The following PLEKHA3 variants were observed in gnomAD, a reference collection of about 807,000 sequenced individuals.
PLEKHA3 encodes pleckstrin homology domain containing A3, also known as pleckstrin homology domain-containing family A member 3.
A neutral mutation model predicts 39.2 loss-of-function variants in PLEKHA3; 19 were observed. The observed-to-expected ratio is 0.48, with a 90% CI of 0.34 to 0.71. PLEKHA3 has a LOEUF of 0.71. PLEKHA3 is among the 30% of genes least tolerant of loss of function. The pLI is 0.01. For synonymous variants in PLEKHA3, 97 were observed against 118.6 expected (o/e 0.82, Z 1.18); for missense variants, 253 against 359.5 (o/e 0.70, Z 2.40).
At chr2:178,490,094 A>G (rs888117889) in intron 2 of PLEKHA3, among the ~76,000 whole-genome samples, 3 of 152,206 alleles carry the variant, frequency 2.0e-5, no homozygotes, top group Non-Finnish European at 4.4e-5. Context: ...AGAGCATCAA[A>G]GGAGGTGTGT....
In PLEKHA3 at chr2:178,490,654, C is replaced by G. The variant is rs1685329703; in HGVS notation, c.158-5C>G. On this transcript the variant is annotated splice_polypyrimidine_tract_variant and splice_region_variant and intron_variant, in intron 2 of 7. Coordinates refer to ENST00000234453, the MANE Select transcript of PLEKHA3 (RefSeq NM_019091.4). The stretch of plus-strand genomic sequence containing the variant: ...ACTGTATTTCCCCTTTGTTTATCAT[C>G]ATAGTTCATTCAGCAGACAACACAA... 1 of 1,611,086 alleles carries G rather than the reference C, an allele frequency of 6.2e-7. No homozygotes were observed.
chr2:178,499,280 A>C, intron 6 of PLEKHA3, 26 bp downstream of exon 6: 2 of 1,607,976 alleles, frequency 1.2e-6, no homozygotes, highest in African/African-American at 1.3e-5. Context: ...CTTCTGACTA[A>C]GTTCTCTCAA....
Position 178,480,525 on chromosome 2 carries a change from G to C in PLEKHA3, c.-345G>C, listed in dbSNP as rs2154127421. ...GGGAGCCCAGGGGGAAGGAAGGCAG[G>C]CGAGGAAGAGGCAGCGCCGGGGCGC... On this transcript the variant is annotated 5_prime_UTR_variant, in exon 1 of 8. Transcript: ENST00000234453. 1 of 194,962 alleles carries C rather than the reference G, an allele frequency of 5.1e-6. No individual in the cohort carries two copies. The allele number at this position is 194,962 out of a possible 1,614,324, so 12.1% of individuals were successfully genotyped here.
rs972547851 is a variant in PLEKHA3, at chr2:178,506,163, T to A, written c.*2276T>A. 7.9e-5 allele frequency: 12 copies of A among 152,080 alleles called. No individual in the cohort carries two copies. Among genetic ancestry groups the A allele is most frequent in the African/African-American group, 2.4e-4 (10 of 41,406 alleles). 9.4% of individuals were successfully genotyped at this position (152,080 alleles called of 1,614,324 possible). On this transcript the variant is annotated 3_prime_UTR_variant, in exon 8 of 8. Coordinates refer to ENST00000234453, the MANE Select transcript of PLEKHA3 (RefSeq NM_019091.4). ...AGTTGTTCTATACTTTATAGAAAAA[T>A]TATTGGTTATTATTAGTTATTAGTA...
At chr2:178,498,313 C>A (rs1034237296) in intron 5 of PLEKHA3, among the ~76,000 whole-genome samples, 6 of 152,180 alleles carry the variant, frequency 3.9e-5, no homozygotes, top group Admixed American at 2.6e-4. Context: ...AGACTACAAA[C>A]TGGGTGGGTC....
Position 178,514,549 on chromosome 2 carries a change from G to A in PLEKHA3, c.*10662G>A, listed in dbSNP as rs1250020036. 1 of 151,920 alleles carries A rather than the reference G, an allele frequency of 6.6e-6. No individual in the cohort carries two copies. Among genetic ancestry groups the A allele is most frequent in the Non-Finnish European group, 1.5e-5 (1 of 67,992 alleles). 9.4% of individuals were successfully genotyped at this position (151,920 alleles called of 1,614,324 possible). On this transcript the variant is annotated 3_prime_UTR_variant, in exon 8 of 8. Transcript: ENST00000234453. ...AATGGGAACAAACATAGCCTGTCAT[G>A]TCTTTATTTAGGCTAAGTGCATATG...
intron 6 of PLEKHA3, among the ~76,000 whole-genome samples, 175 bp from the exon 7 acceptor site, chr2:178,500,886 G>A (rs1685520272): frequency 6.6e-6 from 1 of 152,004 alleles, no homozygotes; most frequent in South Asian, 2.1e-4. Context: ...GTTACCAGCT[G>A]TCTTCTAAAT....
In PLEKHA3 at chr2:178,511,447, C is replaced by T. The variant is rs1481826686; in HGVS notation, c.*7560C>T. 1 of 150,610 alleles carries T rather than the reference C, an allele frequency of 6.6e-6. No homozygotes were observed. The highest frequency in any genetic ancestry group is 2.4e-5 in the African/African-American group (1 of 40,846). The allele number at this position is 150,610 out of a possible 1,614,324, so 9.3% of individuals were successfully genotyped here. A position where few individuals can be genotyped will look rare whatever the true frequency, so the allele number is the denominator to read the frequency against. On this transcript the variant is annotated 3_prime_UTR_variant, in exon 8 of 8. Transcript: ENST00000234453. ...AGAGTGCAGTGACACGATCTTGGCT[C>T]ACTGCAACCTCCACCTCCGGGGCTC...
At chr2:178,496,092 A>G (rs79807005) in intron 5 of PLEKHA3, among the ~76,000 whole-genome samples, 1,759 of 152,340 alleles carry the variant, frequency 0.012, 21 homozygotes, top group Non-Finnish European at 0.018. Context: ...TGGGAACGGT[A>G]TTCTCTACTA....
rs1685580840 is a variant in PLEKHA3, at chr2:178,504,823, T to C, written c.*936T>C. 6.6e-6 allele frequency: 1 copy of C among 152,448 alleles called. No homozygotes were observed. Among genetic ancestry groups the C allele is most frequent in the South Asian group, 2.1e-4 (1 of 4,836 alleles). 9.4% of individuals were successfully genotyped at this position (152,448 alleles called of 1,614,324 possible). A position where few individuals can be genotyped will look rare whatever the true frequency, so the allele number is the denominator to read the frequency against. ...TATACAAAAAGGAATTCTGTCAAGA[T>C]GACTGCTCTATATCACTTGAGAATG... On this transcript the variant is annotated 3_prime_UTR_variant, in exon 8 of 8. Coordinates refer to ENST00000234453, the MANE Select transcript of PLEKHA3 (RefSeq NM_019091.4).
In PLEKHA3 at chr2:178,514,322, A is replaced by G. The variant is rs952888246; in HGVS notation, c.*10435A>G. The G allele has an allele frequency of 1.3e-5, 2 of 152,060 alleles. No homozygotes were observed. The highest frequency in any genetic ancestry group is 4.8e-5 in the African/African-American group (2 of 41,384). The allele number at this position is 152,060 out of a possible 1,614,324, so 9.4% of individuals were successfully genotyped here. A position where few individuals can be genotyped will look rare whatever the true frequency, so the allele number is the denominator to read the frequency against. On this transcript the variant is annotated 3_prime_UTR_variant, in exon 8 of 8. Transcript: ENST00000234453. ...TTAATGATGTCTGCATGGGCTTACTAAGAGGGTGTGGGGAATGGTGGCAGG... is the reference window on the plus strand; with the variant it reads ...TTAATGATGTCTGCATGGGCTTACTGAGAGGGTGTGGGGAATGGTGGCAGG...
chr2:178,481,837 T>A (rs1297556310), intron 1 of PLEKHA3: 1 of 94,370 alleles, frequency 1.1e-5, no homozygotes, highest in Non-Finnish European at 2.3e-5. Flanking sequence ...AGTAAACAGA[T>A]TTTTTGGGGG....
In PLEKHA3 at chr2:178,509,616, T is replaced by G. The variant is rs1318475303; in HGVS notation, c.*5729T>G. 6.6e-6 allele frequency: 1 copy of G among 152,286 alleles called. No homozygotes were observed. The highest frequency in any genetic ancestry group is 2.4e-5 in the African/African-American group (1 of 41,410). The allele number at this position is 152,286 out of a possible 1,614,324, so 9.4% of individuals were successfully genotyped here. A position where few individuals can be genotyped will look rare whatever the true frequency, so the allele number is the denominator to read the frequency against. ...CCTCAGCCTCCCGAATAACTAGGAC[T>G]ACAGGCATGCACCACTACTCCTGGC... is the stretch of plus-strand genomic sequence containing the variant. On this transcript the variant is annotated 3_prime_UTR_variant, in exon 8 of 8. Transcript: ENST00000234453.
rs533724557 is a variant in PLEKHA3, at chr2:178,509,424, A to G, written c.*5537A>G. ...AAGTGCTGGGCACGTAGTGTGTTGA[A>G]TAAGTGTTAGTTATTAATATTGTTT... On this transcript the variant is annotated 3_prime_UTR_variant, in exon 8 of 8. Transcript: ENST00000234453. 15 of 152,216 alleles carry G rather than the reference A, an allele frequency of 9.9e-5. No homozygotes were observed. Among genetic ancestry groups the G allele is most frequent in the Non-Finnish European group, 2.1e-4 (14 of 68,024 alleles). 9.4% of individuals were successfully genotyped at this position (152,216 alleles called of 1,614,324 possible). A position where few individuals can be genotyped will look rare whatever the true frequency, so the allele number is the denominator to read the frequency against.
At chr2:178,494,038 TG>T (rs1559384361) in intron 4 of PLEKHA3, 49 bp downstream of exon 4, 2 of 1,563,322 alleles carry the variant, frequency 1.3e-6, no homozygotes, top group Non-Finnish European at 1.7e-6. Context: ...TGGAGTACTC[TG>T]GGGGGATCCT....
chr2:178,498,617 T>G lies in PLEKHA3; in HGVS notation c.616-594T>G, dbSNP rs532015130. On this transcript the variant is annotated intron_variant, in intron 5 of 7. Coordinates refer to ENST00000234453, the MANE Select transcript of PLEKHA3 (RefSeq NM_019091.4). The stretch of plus-strand genomic sequence containing the variant: ...ATATTTTTTAAATGTTCTGCTTAAT[T>G]AGGTATTCTTTATTTTTTTAAATAT... 2.0e-5 allele frequency among the ~76,000 whole-genome samples: 3 copies of G among 152,320 alleles called. No individual in the cohort carries two copies. In the East Asian group the frequency reaches 5.8e-4, roughly 29 times the overall value.
chr2:178,481,947 TG>T (rs1685172675), intron 1 of PLEKHA3: 1 of 153,696 alleles, frequency 6.5e-6, no homozygotes, highest in Non-Finnish European at 1.5e-5. Flanking sequence ...ACTCTCGACT[TG>T]TGTCCACCTG....
At chr2:178,480,940 G>C in intron 1 of PLEKHA3, 31 bp downstream of exon 1, 1 of 1,309,294 alleles carries the variant, frequency 7.6e-7, no homozygotes, top group Non-Finnish European at 9.8e-7. Flanking sequence ...AGGGAAGAGG[G>C]GAGAGGCGGG....
intron 1 of PLEKHA3, 148 bp from the exon 2 acceptor site, chr2:178,485,493 G>T: frequency 3.1e-6 from 2 of 635,798 alleles, no homozygotes; most frequent in South Asian, 1.9e-5. Flanking sequence ...AACATTTTTG[G>T]TAAGGCTTGG....
Sources: allele counts gnomAD v4.1 joint callset (sites outside exome capture counted in the v4.1 genomes callset), GRCh38; gene constraint gnomAD v4.1.1; transcripts MANE v1.5; gene names NCBI Gene and HGNC (gene_info 2026-07-23, HGNC 2026-07-21).